ALDH6A1: variants seen among roughly 807,000 people sequenced by gnomAD.
The protein encoded by ALDH6A1 is aldehyde dehydrogenase 6 family member A1, also known as methylmalonate-semialdehyde/malonate-semialdehyde dehydrogenase [acylating], mitochondrial.
In ALDH6A1, 43 loss-of-function variants were observed where a neutral mutation model predicts 62.6. That is an observed-to-expected ratio of 0.69 (90% CI 0.54 to 0.89). ALDH6A1 has a LOEUF of 0.89. Among genes scored for constraint, ALDH6A1 ranks in the 40% least tolerant of loss-of-function variants. ALDH6A1 has a pLI of 0.00. For synonymous variants in ALDH6A1, 194 were observed against 234.2 expected, an observed-to-expected ratio of 0.83 and a Z score of 1.57; for missense variants, 551 against 661.3, an observed-to-expected ratio of 0.83 and a Z score of 1.83.
At chr14:74,068,553 A>G (rs2060504885) in intron 7 of ALDH6A1, among the ~76,000 whole-genome samples, 2 of 152,068 alleles carry the variant, frequency 1.3e-5, no homozygotes, top group Non-Finnish European at 2.9e-5. Context: ...ATCCTGGCCA[A>G]CATGGTGAAA....
At chr14:74,070,187 C>T (rs1234788061) in intron 6 of ALDH6A1, among the ~76,000 whole-genome samples, 1 of 152,060 alleles carries the variant, frequency 6.6e-6, no homozygotes, top group African/African-American at 2.4e-5. Flanking sequence ...TCCAAAATAA[C>T]AGCCTTTGAA....
At chr14:74,082,274 T>C (rs924359086) in intron 1 of ALDH6A1, among the ~76,000 whole-genome samples, 1 of 152,142 alleles carries the variant, frequency 6.6e-6, no homozygotes, top group East Asian at 1.9e-4. Context: ...AGGTTAAGTT[T>C]GACTACTCTT....
At position 74,057,291 on chromosome 14, in the gene ALDH6A1, A is replaced by G; in HGVS notation, c.*3351T>C. Reference sequence around the variant, plus strand: ...GTCTGTATCTAATCAAACAATGTATATTGTTGTCACCCTTCCCCATGTCGC... The same window carrying G: ...GTCTGTATCTAATCAAACAATGTATGTTGTTGTCACCCTTCCCCATGTCGC... On this transcript the variant is annotated 3_prime_UTR_variant, in exon 12 of 12. Coordinates refer to ENST00000553458, the MANE Select transcript of ALDH6A1 (RefSeq NM_005589.4). 1 of 1,613,864 alleles carries G rather than the reference A, an allele frequency of 6.2e-7. No homozygotes were observed. The highest frequency in any genetic ancestry group is 8.5e-7 in the Non-Finnish European group (1 of 1,179,928).
At chr14:74,065,052 G>A (rs1433691578) in intron 10 of ALDH6A1, 129 bp downstream of exon 10, 8 of 1,402,144 alleles carry the variant, frequency 5.7e-6, no homozygotes, top group Non-Finnish European at 8.0e-6. Flanking sequence ...TTTCATTCCT[G>A]AGGAAGAAAT....
At chr14:74,071,637 A>G in intron 5 of ALDH6A1, 140 bp from the exon 6 acceptor site, 1 of 1,555,144 alleles carries the variant, frequency 6.4e-7, no homozygotes, top group African/African-American at 1.4e-5. Flanking sequence ...TTCCAAGTTA[A>G]GGGTTTGTGC....
Position 74,065,162 on chromosome 14 carries a change from A to G in ALDH6A1, c.1404+19T>C. On this transcript the variant is annotated intron_variant, in intron 10 of 11. Coordinates refer to ENST00000553458, the MANE Select transcript of ALDH6A1 (RefSeq NM_005589.4). ...TAGTAAATGGATATAAGAATCTCTT[A>G]AAAATTCTGTTCACGAACCTGTCCA... 1 of 1,613,470 alleles carries G rather than the reference A, an allele frequency of 6.2e-7. No individual in the cohort carries two copies. The highest frequency in any genetic ancestry group is 1.1e-5 in the South Asian group (1 of 91,076).
chr14:74,063,426 C>T (rs556778123), intron 11 of ALDH6A1, among the ~76,000 whole-genome samples: 1 of 152,000 alleles, frequency 6.6e-6, no homozygotes, highest in East Asian at 2.0e-4. Context: ...TTCAGGTGAT[C>T]TGCCTGCCTC....
chr14:74,081,149 G>A (rs1226991855), intron 1 of ALDH6A1: 1 of 152,120 alleles, frequency 6.6e-6, no homozygotes, highest in Admixed American at 6.6e-5. Context: ...AGCTCATAAA[G>A]CACCCAAATT....
At chr14:74,072,135 G>T in intron 4 of ALDH6A1, 68 bp downstream of exon 4, 1 of 1,610,682 alleles carries the variant, frequency 6.2e-7, no homozygotes, top group Non-Finnish European at 8.5e-7. Flanking sequence ...GGCTGAAAAG[G>T]TCTCTGTGAG....
intron 1 of ALDH6A1, among the ~76,000 whole-genome samples, chr14:74,079,455 A>T (rs2060649440): frequency 7.1e-6 from 1 of 140,978 alleles, no homozygotes; most frequent in African/African-American, 2.7e-5. Flanking sequence ...TTTTTTTGAG[A>T]CAGAGTCTCA....
At chr14:74,061,090 G>C (rs1418459997) in intron 11 of ALDH6A1, among the ~76,000 whole-genome samples, 1 of 151,800 alleles carries the variant, frequency 6.6e-6, no homozygotes, top group African/African-American at 2.4e-5. Context: ...CAGCTCTCCT[G>C]CCTCAGCCTC....
At chr14:74,081,292 A>C (rs1397549016) in intron 1 of ALDH6A1, 1 of 152,244 alleles carries the variant, frequency 6.6e-6, no homozygotes, top group Non-Finnish European at 1.5e-5. Context: ...CTTAGTAAGC[A>C]ATATTTTGCA....
chr14:74,066,869 C>G lies in ALDH6A1; in HGVS notation c.1060G>C (p.Asp354His), dbSNP rs748743811. The change falls in exon 9 of 12, where the codon GAT (aspartate) becomes CAT (histidine). Residue 354 changes from aspartate to histidine, a missense_variant. By Grantham distance (81) the Asp-to-His change is moderately conservative. Coordinates refer to ENST00000553458, the MANE Select transcript of ALDH6A1 (RefSeq NM_005589.4). ...TGGGGAGTGATCAGAGGGCCAAGATCAGCTCCAGGCTGATCTCCTGTAAAA... is the reference window on the plus strand; with the variant it reads ...TGGGGAGTGATCAGAGGGCCAAGATGAGCTCCAGGCTGATCTCCTGTAAAA... ...RVNAGDQPGA[D>H]LGPLITPQAK... 1 of 1,613,952 alleles carries G rather than the reference C, an allele frequency of 6.2e-7. No individual in the cohort carries two copies. The highest frequency in any genetic ancestry group is 8.5e-7 in the Non-Finnish European group (1 of 1,179,912).
chr14:74,078,616 C>T (rs1185835832), intron 1 of ALDH6A1, among the ~76,000 whole-genome samples: 1 of 152,208 alleles, frequency 6.6e-6, no homozygotes, highest in African/African-American at 2.4e-5. Context: ...CAACCTCCAC[C>T]TCCCGGGTTC....
chr14:74,068,668 G>A (rs903088007), intron 7 of ALDH6A1, among the ~76,000 whole-genome samples, 192 bp downstream of exon 7: 3 of 151,968 alleles, frequency 2.0e-5, no homozygotes, highest in East Asian at 3.9e-4. Context: ...GCTTGAACCC[G>A]GGAGGCAGAG....
Position 74,071,498 on chromosome 14 carries a change from C to A in ALDH6A1, c.428-1G>T. On this transcript the variant is annotated splice_acceptor_variant, in intron 5 of 11. Coordinates refer to ENST00000553458, the MANE Select transcript of ALDH6A1 (RefSeq NM_005589.4). LOFTEE classifies it high-confidence loss of function. ...ACACTACAGGCATGCTCAACCACCT[C>A]TGGAACACAGAAGTCAGGCCATCAG... 6.2e-7 allele frequency: 1 copy of A among 1,613,800 alleles called. No individual in the cohort carries two copies. Among genetic ancestry groups the A allele is most frequent in the Non-Finnish European group, 8.5e-7 (1 of 1,180,026 alleles).
chr14:74,076,362 T>C (rs1230788527), intron 1 of ALDH6A1, among the ~76,000 whole-genome samples: 1 of 152,164 alleles, frequency 6.6e-6, no homozygotes, highest in African/African-American at 2.4e-5. Flanking sequence ...GTATATATGT[T>C]ATCAAAGTTG....
At chr14:74,078,347 G>T (rs1421395806) in intron 1 of ALDH6A1, 1 of 431,912 alleles carries the variant, frequency 2.3e-6, no homozygotes, top group Non-Finnish European at 4.6e-6. Context: ...TGGACTGGAT[G>T]AAGAGGTATA....
Position 74,071,938 on chromosome 14 carries a change from T to C in ALDH6A1, c.385A>G (p.Lys129Glu). 2 of 1,614,230 alleles carry C rather than the reference T, an allele frequency of 1.2e-6. No homozygotes were observed. Among genetic ancestry groups the C allele is most frequent in the Non-Finnish European group, 1.7e-6 (2 of 1,180,038 alleles). The change falls in exon 5 of 12, where the codon AAG (lysine) becomes GAG (glutamate). Residue 129 changes from lysine (K) to glutamate (E), a missense_variant. Lys to Glu is a moderately conservative substitution (Grantham distance 56). Transcript: ENST00000553458. The stretch of plus-strand genomic sequence containing the variant: ...TCTCCTTCAGCATCAGCTAGGGTCT[T>C]CCCTTGTTCCAATGTGATTAACTTG... ...IAKLITLEQGKTLADAEGDVF... is the reference protein window; with the variant it reads ...IAKLITLEQGETLADAEGDVF...
Sources: gnomAD v4.1 joint callset for allele counts (sites outside exome capture counted in the v4.1 genomes callset) on GRCh38, gnomAD v4.1.1 for gene constraint, MANE v1.5 for transcripts, NCBI Gene and HGNC (gene_info 2026-07-23, HGNC 2026-07-21) for gene names.